Variants in SIK3 observed in about 807,000 individuals in gnomAD.
SIK3 encodes the protein SIK family kinase 3, also known as serine/threonine-protein kinase SIK3.
A neutral mutation model predicts 144.2 loss-of-function variants in SIK3; 28 were observed. The ratio of observed to expected loss-of-function variants is 0.19; its 90% CI spans 0.14 to 0.27. The LOEUF (loss-of-function observed/expected upper bound fraction) is 0.27. Ranked by LOEUF, SIK3 falls within the 10% of genes least tolerant of loss-of-function variation. The probability of loss-of-function intolerance (pLI) is 1.00; values close to 1 mark genes in which losing one functional copy is unlikely to be tolerated. For synonymous variants in SIK3, 686 were observed against 676.3 expected, an observed-to-expected ratio of 1.01 and a Z score of -0.22; for missense variants, 1,319 against 1,776.0, an observed-to-expected ratio of 0.74 and a Z score of 4.62.
chr11:116,893,062 T>C (rs1318048898), intron 6 of SIK3, among the ~76,000 whole-genome samples: 1 of 152,034 alleles, frequency 6.6e-6, no homozygotes, highest in Non-Finnish European at 1.5e-5. Flanking sequence ...TAGGGAGAAA[T>C]GGATAAACAG....
intron 4 of SIK3, among the ~76,000 whole-genome samples, chr11:116,907,316 T>C (rs1440552554): frequency 1.3e-5 from 2 of 152,230 alleles, no homozygotes; most frequent in Non-Finnish European, 2.9e-5. Flanking sequence ...TGTGTTTATA[T>C]TTAAGTTCAC....
At chr11:117,018,872 C>T (rs1286040576) in intron 1 of SIK3, among the ~76,000 whole-genome samples, 11 of 151,108 alleles carry the variant, frequency 7.3e-5, no homozygotes, top group Admixed American at 6.6e-5. Flanking sequence ...CCACCATGCC[C>T]GGCTAATTTT....
At chr11:116,919,118 TATA>T (rs1342814197) in intron 4 of SIK3, among the ~76,000 whole-genome samples, 5 of 152,330 alleles carry the variant, frequency 3.3e-5, no homozygotes, top group Non-Finnish European at 5.9e-5. Context: ...TTTAGATTGA[TATA>T]ATGAGTATTG....
intron 1 of SIK3, among the ~76,000 whole-genome samples, chr11:117,051,200 AG>A (rs1451028495): frequency 1.3e-5 from 2 of 152,102 alleles, no homozygotes; most frequent in African/African-American, 2.4e-5. Context: ...TGGACATCAA[AG>A]CTCCTGGTTC....
chr11:116,944,606 T>C (rs1270558290), intron 3 of SIK3, among the ~76,000 whole-genome samples: 1 of 152,212 alleles, frequency 6.6e-6, no homozygotes, highest in African/African-American at 2.4e-5. Flanking sequence ...TGTATCCACA[T>C]GGAAAGGACA....
At chr11:116,914,991 TA>T (rs1467476866) in intron 4 of SIK3, among the ~76,000 whole-genome samples, 3 of 152,206 alleles carry the variant, frequency 2.0e-5, no homozygotes, top group African/African-American at 7.2e-5. Context: ...AAAATTAATT[TA>T]AAAGTTCACT....
At chr11:117,085,501 G>A (rs1239051935) in intron 1 of SIK3, among the ~76,000 whole-genome samples, 1 of 152,148 alleles carries the variant, frequency 6.6e-6, no homozygotes, top group Non-Finnish European at 1.5e-5. Flanking sequence ...ATCTACCGAT[G>A]AAATGAAAGG....
intron 1 of SIK3, among the ~76,000 whole-genome samples, chr11:116,989,390 T>G (rs772279463): frequency 6.6e-6 from 1 of 152,170 alleles, no homozygotes; most frequent in Non-Finnish European, 1.5e-5. Context: ...CTGCACAACC[T>G]TGCAATTTAG....
chr11:116,969,630 G>T (rs1161981018), intron 1 of SIK3, among the ~76,000 whole-genome samples: 2 of 152,082 alleles, frequency 1.3e-5, no homozygotes, highest in Non-Finnish European at 2.9e-5. Context: ...TGAATCAAAT[G>T]TACTTTTCTG....
At chr11:116,855,106 A>C (rs1005786685) in intron 21 of SIK3, among the ~76,000 whole-genome samples, 2 of 128,536 alleles carry the variant, frequency 1.6e-5, no homozygotes, top group Admixed American at 7.9e-5. Flanking sequence ...AAAAAAAAAA[A>C]AAACTTGAGT....
At chr11:116,917,274 C>T (rs573115617) in intron 4 of SIK3, among the ~76,000 whole-genome samples, 23 of 152,226 alleles carry the variant, frequency 1.5e-4, no homozygotes, top group African/African-American at 3.6e-4. Flanking sequence ...CTTATATAAA[C>T]GTTCTTAGAG....
intron 6 of SIK3, among the ~76,000 whole-genome samples, chr11:116,895,146 C>G (rs1945328523): frequency 6.6e-6 from 1 of 152,160 alleles, no homozygotes; most frequent in African/African-American, 2.4e-5. Flanking sequence ...CTGACCTCAT[C>G]TCTCTTCCTC....
chr11:116,856,087 C>T (rs1016506158), intron 21 of SIK3, among the ~76,000 whole-genome samples: 1 of 151,768 alleles, frequency 6.6e-6, no homozygotes, highest in African/African-American at 2.4e-5. Context: ...GTCCCAGCTA[C>T]TCGGGAGGCT....
chr11:116,934,071 T>A (rs913589585), intron 3 of SIK3, among the ~76,000 whole-genome samples: 12 of 152,222 alleles, frequency 7.9e-5, no homozygotes, highest in African/African-American at 2.7e-4. Context: ...TACCTCCTGA[T>A]ATTTCAATTT....
At chr11:116,928,484 G>A (rs1399772231) in intron 3 of SIK3, among the ~76,000 whole-genome samples, 1 of 152,184 alleles carries the variant, frequency 6.6e-6, no homozygotes, top group Non-Finnish European at 1.5e-5. Context: ...AATATATTGT[G>A]ATTTATCAAC....
intron 15 of SIK3, among the ~76,000 whole-genome samples, chr11:116,866,593 C>T (rs767801849): frequency 1.7e-4 from 26 of 152,232 alleles, no homozygotes; most frequent in Non-Finnish European, 3.4e-4. Context: ...AGACGCCCAC[C>T]GCCACACCCG....
At chr11:116,934,010 T>A (rs527540641) in intron 3 of SIK3, among the ~76,000 whole-genome samples, 2 of 152,236 alleles carry the variant, frequency 1.3e-5, no homozygotes, top group Non-Finnish European at 2.9e-5. Context: ...CATGATCTTT[T>A]ACAAAAGTAT....
At chr11:116,893,537 T>C (rs1244983264) in intron 6 of SIK3, among the ~76,000 whole-genome samples, 2 of 151,480 alleles carry the variant, frequency 1.3e-5, no homozygotes, top group African/African-American at 2.4e-5. Context: ...TAGTCAGGCA[T>C]AGTGGTGTGT....
intron 3 of SIK3, among the ~76,000 whole-genome samples, chr11:116,952,169 T>C (rs1948965262): frequency 6.6e-6 from 1 of 152,140 alleles, no homozygotes; most frequent in Non-Finnish European, 1.5e-5. Context: ...GATGTTTGAC[T>C]TTTTATAGAA....
Sources: allele counts gnomAD v4.1 joint callset (sites outside exome capture counted in the v4.1 genomes callset), GRCh38; gene constraint gnomAD v4.1.1; transcripts MANE v1.5; gene names NCBI Gene and HGNC (gene_info 2026-07-23, HGNC 2026-07-21).